The following CDK14 variants were observed in gnomAD, a reference collection of about 807,000 sequenced individuals.
CDK14 encodes cyclin-dependent kinase 14.
CDK14 carries 34 observed loss-of-function variants against 60.7 expected under a neutral mutation model. The observed-to-expected ratio is 0.56, with a 90% CI of 0.43 to 0.75. The LOEUF is 0.75. CDK14 is among the 30% of genes least tolerant of loss of function. CDK14 has a pLI of 0.00. For missense variants in CDK14, 482 were observed against 564.1 expected (o/e 0.85, Z 1.47); for synonymous variants, 197 against 203.7 (o/e 0.97, Z 0.28).
chr7:91,042,048 G>A (rs908532262), intron 10 of CDK14, among the ~76,000 whole-genome samples: 2 of 152,244 alleles, frequency 1.3e-5, no homozygotes, highest in South Asian at 2.1e-4. Flanking sequence ...ATCACAAAAA[G>A]GTAGCATGTA....
At chr7:90,925,344 A>T (rs1488488479) in intron 8 of CDK14, among the ~76,000 whole-genome samples, 1 of 152,164 alleles carries the variant, frequency 6.6e-6, no homozygotes, top group Non-Finnish European at 1.5e-5. Flanking sequence ...CCAGCCATAG[A>T]GTTGGGAGCA....
intron 1 of CDK14, among the ~76,000 whole-genome samples, chr7:90,602,138 C>T (rs1584734123): frequency 6.6e-6 from 1 of 152,082 alleles, no homozygotes; most frequent in Non-Finnish European, 1.5e-5. Flanking sequence ...TTATTGGATG[C>T]TTTGCTTAAG....
At chr7:91,044,132 A>C (rs1043935476) in intron 10 of CDK14, among the ~76,000 whole-genome samples, 10 of 151,976 alleles carry the variant, frequency 6.6e-5, no homozygotes, top group Non-Finnish European at 1.5e-4. Context: ...ACATGTGCCC[A>C]AGGTTGTCAG....
At chr7:90,998,392 CT>C (rs879870351) in intron 10 of CDK14, among the ~76,000 whole-genome samples, 3 of 151,416 alleles carry the variant, frequency 2.0e-5, no homozygotes, top group African/African-American at 4.8e-5. Flanking sequence ...AAAATCCATT[CT>C]TTTTTTTTGA....
At chr7:90,711,550 C>T (rs1802059036) in intron 2 of CDK14, among the ~76,000 whole-genome samples, 2 of 151,882 alleles carry the variant, frequency 1.3e-5, no homozygotes. Context: ...AAAAGTAGAG[C>T]AATAACGTGA....
chr7:90,941,784 G>A (rs961507600), intron 8 of CDK14, among the ~76,000 whole-genome samples: 17 of 152,210 alleles, frequency 1.1e-4, no homozygotes, highest in Admixed American at 1.0e-3. Context: ...CAGTGCATCA[G>A]GTGTTGTTCT....
At chr7:90,601,586 C>T (rs1160652571) in intron 1 of CDK14, among the ~76,000 whole-genome samples, 1 of 152,146 alleles carries the variant, frequency 6.6e-6, no homozygotes, top group Non-Finnish European at 1.5e-5. Context: ...CTCTTGATAC[C>T]TCCAGACCCC....
intron 10 of CDK14, among the ~76,000 whole-genome samples, chr7:91,031,381 G>T (rs780286040): frequency 1.3e-5 from 2 of 151,818 alleles, no homozygotes; most frequent in Non-Finnish European, 2.9e-5. Flanking sequence ...TCATACAGGA[G>T]TTTGGACGAA....
intron 5 of CDK14, among the ~76,000 whole-genome samples, chr7:90,817,762 G>C (rs577773760): frequency 1.3e-5 from 2 of 152,300 alleles, no homozygotes; most frequent in East Asian, 3.9e-4. Context: ...TGATTAAATT[G>C]TAAGATTGTA....
At chr7:91,156,731 C>T (rs1281329466) in intron 14 of CDK14, among the ~76,000 whole-genome samples, 1 of 152,120 alleles carries the variant, frequency 6.6e-6, no homozygotes, top group Non-Finnish European at 1.5e-5. Context: ...TATGAAAAGC[C>T]ATATGGTTTC....
intron 5 of CDK14, among the ~76,000 whole-genome samples, chr7:90,852,203 T>C (rs1473675836): frequency 1.3e-5 from 2 of 152,186 alleles, no homozygotes; most frequent in Admixed American, 6.5e-5. Flanking sequence ...GGCAAATCTT[T>C]TAATGTTATT....
At chr7:90,810,000 T>C (rs1789023478) in intron 5 of CDK14, among the ~76,000 whole-genome samples, 1 of 152,092 alleles carries the variant, frequency 6.6e-6, no homozygotes, top group African/African-American at 2.4e-5. Context: ...CCAAAAAAAG[T>C]CCAGGACCAG....
Position 90,743,739 on chromosome 7 carries a change from T to C in CDK14, c.370-3942T>C, listed in dbSNP as rs189281129. ...TTTAACATTCATTTTTTATGGGAGATATTAATTTAATCTATTTATTGTTTT... is the reference window on the plus strand; with the variant it reads ...TTTAACATTCATTTTTTATGGGAGACATTAATTTAATCTATTTATTGTTTT... On this transcript the variant is annotated intron_variant, in intron 3 of 14. Coordinates refer to ENST00000380050, the MANE Select transcript of CDK14 (RefSeq NM_001287135.2). Among the ~76,000 whole-genome samples, 60 of 152,268 alleles carry C rather than the reference T, an allele frequency of 3.9e-4. No homozygotes were observed. The East Asian group carries it at 9.1e-3, about 23-fold the overall frequency.
chr7:90,917,636 C>A lies in CDK14; in HGVS notation c.738C>A (p.Tyr246Ter). The A allele has an allele frequency of 6.2e-7, 1 of 1,613,574 alleles. No homozygotes were observed. Among genetic ancestry groups the A allele is most frequent in the Non-Finnish European group, 8.5e-7 (1 of 1,179,566 alleles). ...TTCAGTTGCTGCGAGGTCTGTCTTACATCCACCAGCGTTATATTTTGCACA... is the reference window on the plus strand; with the variant it reads ...TTCAGTTGCTGCGAGGTCTGTCTTAAATCCACCAGCGTTATATTTTGCACA... The part of the protein sequence containing the change: ...FLFQLLRGLS[Y>*]IHQRYILHRD... The change falls in exon 8 of 15, where the codon TAC (tyrosine) becomes TAA (stop). Residue 246 changes from tyrosine (Y) to a stop codon, truncating the protein, a stop_gained. Transcript: ENST00000380050. LOFTEE classifies it high-confidence loss of function.
intron 2 of CDK14, among the ~76,000 whole-genome samples, chr7:90,647,985 T>A (rs943158980): frequency 6.6e-6 from 1 of 152,210 alleles, no homozygotes; most frequent in African/African-American, 2.4e-5. Context: ...AGAGAATTTA[T>A]AATTGAAGAG....
At chr7:90,885,007 A>G (rs1266944825) in intron 6 of CDK14, among the ~76,000 whole-genome samples, 2 of 152,228 alleles carry the variant, frequency 1.3e-5, no homozygotes, top group Non-Finnish European at 2.9e-5. Flanking sequence ...AGGCTGTACT[A>G]TCCAGTACAT....
intron 5 of CDK14, among the ~76,000 whole-genome samples, chr7:90,800,361 T>C (rs1788594593): frequency 6.6e-6 from 1 of 152,186 alleles, no homozygotes. Context: ...GATTTAATTG[T>C]AAAATTTGTA....
intron 5 of CDK14, among the ~76,000 whole-genome samples, chr7:90,818,647 A>G (rs371485874): frequency 1.3e-5 from 2 of 152,342 alleles, no homozygotes; most frequent in East Asian, 3.9e-4. Context: ...AATATTCTGA[A>G]TAAGCAACGA....
In CDK14 at chr7:91,178,535, T is replaced by C. The variant is rs1215624338; in HGVS notation, c.*29-28630T>C. On this transcript the variant is annotated intron_variant, in intron 14 of 14. Coordinates refer to ENST00000380050, the MANE Select transcript of CDK14 (RefSeq NM_001287135.2). Reference sequence around the variant, plus strand: ...CAGAGTGAACAGGCAACCTACAAAATGAGAGAAAATTTTCACAACCTACTC... The same window carrying C: ...CAGAGTGAACAGGCAACCTACAAAACGAGAGAAAATTTTCACAACCTACTC... Among the ~76,000 whole-genome samples the C allele has an allele frequency of 2.0e-5, 3 of 150,768 alleles. No individual in the cohort carries two copies. The East Asian group carries it at 5.8e-4, about 29-fold the overall frequency.
Sources: gnomAD v4.1 joint callset for allele counts (sites outside exome capture counted in the v4.1 genomes callset) on GRCh38, gnomAD v4.1.1 for gene constraint, MANE v1.5 for transcripts, NCBI Gene and HGNC (gene_info 2026-07-23, HGNC 2026-07-21) for gene names.